HLCS: variants seen among roughly 807,000 people sequenced by gnomAD.
HLCS encodes holocarboxylase synthetase.
In HLCS, 53 loss-of-function variants were observed where a neutral mutation model predicts 75.0. That is an observed-to-expected ratio of 0.71 (90% CI 0.57 to 0.89). The LOEUF is 0.89. HLCS is among the 40% of genes least tolerant of loss of function. The pLI is 0.00. For synonymous variants in HLCS, 431 were observed against 428.6 expected (o/e 1.01, Z -0.07); for missense variants, 966 against 1,074.0 (o/e 0.90, Z 1.41).
At chr21:36,938,645 T>C (rs1048327938) in intron 3 of HLCS, among the ~76,000 whole-genome samples, 187 bp downstream of exon 3, 4 of 152,128 alleles carry the variant, frequency 2.6e-5, no homozygotes, top group African/African-American at 9.7e-5. Flanking sequence ...ACCACAGGCA[T>C]GCACCACCAC....
intron 6 of HLCS, among the ~76,000 whole-genome samples, chr21:36,856,065 G>T (rs185039741): frequency 2.0e-5 from 3 of 152,118 alleles, no homozygotes; most frequent in Non-Finnish European, 4.4e-5. Context: ...GCTGGTGGGT[G>T]GGGGGCAGGG....
chr21:36,811,552 T>C (rs1195096343), intron 6 of HLCS, among the ~76,000 whole-genome samples: 1 of 152,192 alleles, frequency 6.6e-6, no homozygotes, highest in Non-Finnish European at 1.5e-5. Flanking sequence ...GCATGTCCCA[T>C]CTGCAATGTT....
At chr21:36,875,263 C>T (rs140393639) in intron 6 of HLCS, among the ~76,000 whole-genome samples, 1 of 152,164 alleles carries the variant, frequency 6.6e-6, no homozygotes, top group East Asian at 1.9e-4. Context: ...GGGCTCCAGG[C>T]TGCCAGTTCC....
rs1434051827 is a variant in HLCS, at chr21:36,759,598, C to T, written c.2236+129G>A. ...ATCTCTCTGCATCTATACCCTGCTC[C>T]AAAACTACAAGACTCAAAGTAACCT... is the stretch of plus-strand genomic sequence containing the variant. On this transcript the variant is annotated intron_variant, in intron 9 of 10. Transcript: ENST00000674895. 17 of 691,506 alleles carry T rather than the reference C, an allele frequency of 2.5e-5. No individual in the cohort carries two copies. In the East Asian group the frequency reaches 4.4e-4, roughly 18 times the overall value. The allele number at this position is 691,506 out of a possible 1,614,324, so 42.8% of individuals were successfully genotyped here. A position where few individuals can be genotyped will look rare whatever the true frequency, so the allele number is the denominator to read the frequency against.
chr21:36,773,742 ACATTGAAG>A, intron 6 of HLCS, among the ~76,000 whole-genome samples: 1 of 152,222 alleles, frequency 6.6e-6, no homozygotes. Context: ...AGGCAGTCAC[ACATTGAAG>A]GTTCATAAGT....
At chr21:36,813,744 C>T (rs1282966365) in intron 6 of HLCS, among the ~76,000 whole-genome samples, 2 of 152,168 alleles carry the variant, frequency 1.3e-5, no homozygotes, top group South Asian at 2.1e-4. Flanking sequence ...GGGGCATTTT[C>T]GTCAAACTCC....
At chr21:36,948,249 C>G (rs1313981536) in intron 2 of HLCS, 1 of 147,250 alleles carries the variant, frequency 6.8e-6, no homozygotes, top group East Asian at 2.0e-4. Flanking sequence ...CGAGACCACA[C>G]CACTGCACTC....
chr21:36,923,866 G>A (rs1444341735), intron 5 of HLCS, among the ~76,000 whole-genome samples: 4 of 152,180 alleles, frequency 2.6e-5, no homozygotes, highest in Non-Finnish European at 4.4e-5. Flanking sequence ...AATTTCCAGC[G>A]TAGGTGAAGG....
At chr21:36,944,896 G>A (rs1328608240) in intron 2 of HLCS, among the ~76,000 whole-genome samples, 2 of 152,140 alleles carry the variant, frequency 1.3e-5, no homozygotes, top group Admixed American at 1.3e-4. Flanking sequence ...GCTGAGGCGG[G>A]TGGATCACGA....
Position 36,938,938 on chromosome 21 carries a change from A to T in HLCS, c.387T>A (p.Tyr129Ter). 6.2e-7 allele frequency: 1 copy of T among 1,613,594 alleles called. No individual in the cohort carries two copies. The highest frequency in any genetic ancestry group is 2.2e-5 in the East Asian group (1 of 44,880). Residue 129 changes from tyrosine (Y) to a stop codon, truncating the protein, a stop_gained, in exon 3 of 11, where the codon TAT becomes TAA. Coordinates refer to ENST00000674895, the MANE Select transcript of HLCS (RefSeq NM_001352514.2). LOFTEE classifies it high-confidence loss of function. The stretch of plus-strand genomic sequence containing the variant: ...CCACACTTGCTTCAGCAATTAGCCG[A>T]TAAGGATCCCCAGGTCTGCAAGCTA... ...LPLACRPGDP[Y>*]RLIAEASVDN...
chr21:36,805,686 C>T (rs1569035527), intron 6 of HLCS, among the ~76,000 whole-genome samples: 1 of 152,086 alleles, frequency 6.6e-6, no homozygotes, highest in African/African-American at 2.4e-5. Flanking sequence ...AGGGGCTCTC[C>T]GTGACCTCTT....
At chr21:36,877,404 C>T (rs2064026561) in intron 6 of HLCS, among the ~76,000 whole-genome samples, 2 of 150,568 alleles carry the variant, frequency 1.3e-5, no homozygotes, top group Admixed American at 1.3e-4. Flanking sequence ...GTATCTTTTG[C>T]CTTATGTGTT....
chr21:36,841,124 A>G (rs2062600999), intron 6 of HLCS, among the ~76,000 whole-genome samples: 1 of 152,186 alleles, frequency 6.6e-6, no homozygotes, highest in Non-Finnish European at 1.5e-5. Context: ...AACCTTTTGG[A>G]AGCATTTAGT....
rs2068114021 is a variant in HLCS, at chr21:36,958,792, A to G, written c.330+3244T>C. On this transcript the variant is annotated intron_variant, in intron 2 of 10. Transcript: ENST00000674895. Reference sequence around the variant, plus strand: ...CAACACAGCAAGACTCCATCTCCAAAAAAAAAAGAAAGAAAACTTTGTCTG... The same window carrying G: ...CAACACAGCAAGACTCCATCTCCAAGAAAAAAAGAAAGAAAACTTTGTCTG... Among the ~76,000 whole-genome samples, 5 of 152,198 alleles carry G rather than the reference A, an allele frequency of 3.3e-5. No homozygotes were observed. The South Asian group carries it at 8.3e-4, about 25-fold the overall frequency.
chr21:36,920,602 G>A (rs904336435), intron 5 of HLCS, among the ~76,000 whole-genome samples: 3 of 151,952 alleles, frequency 2.0e-5, no homozygotes, highest in Non-Finnish European at 2.9e-5. Context: ...TGCACAGCAC[G>A]CCTGTATCAA....
chr21:36,813,950 A>G lies in HLCS; in HGVS notation c.1893-46665T>C, dbSNP rs1033831041. Among the ~76,000 whole-genome samples, 7 of 152,120 alleles carry G rather than the reference A, an allele frequency of 4.6e-5. No homozygotes were observed. The East Asian group carries it at 1.3e-3, about 29-fold the overall frequency. On this transcript the variant is annotated intron_variant, in intron 6 of 10. Coordinates refer to ENST00000674895, the MANE Select transcript of HLCS (RefSeq NM_001352514.2). ...AAATGGAAACACTCACATGGAGAGCATTTTCTCCTCCAAATTTTCGATTCT... is the reference window on the plus strand; with the variant it reads ...AAATGGAAACACTCACATGGAGAGCGTTTTCTCCTCCAAATTTTCGATTCT...
At chr21:36,989,815 G>A (rs2069310553) in intron 1 of HLCS, among the ~76,000 whole-genome samples, 2 of 152,170 alleles carry the variant, frequency 1.3e-5, no homozygotes, top group Non-Finnish European at 2.9e-5. Flanking sequence ...CGTGGGAGGG[G>A]GACAGGGCGC....
At position 36,943,003 on chromosome 21, in the gene HLCS, G is replaced by A. The variant is rs145607809; in HGVS notation, c.331-4009C>T. 8.4e-4 allele frequency among the ~76,000 whole-genome samples: 128 copies of A among 152,038 alleles called. 1 individual carries two copies. In the East Asian group the frequency reaches 0.022, roughly 26 times the overall value. On this transcript the variant is annotated intron_variant, in intron 2 of 10. Transcript: ENST00000674895. ...AGAAACACTGCTCAACATCAGTCACGAAGGAAATGCATCTCAAAACCACAG... is the reference window on the plus strand; with the variant it reads ...AGAAACACTGCTCAACATCAGTCACAAAGGAAATGCATCTCAAAACCACAG...
At chr21:36,873,516 T>A (rs192396537) in intron 6 of HLCS, among the ~76,000 whole-genome samples, 73 of 152,382 alleles carry the variant, frequency 4.8e-4, no homozygotes, top group African/African-American at 1.6e-3. Context: ...AAGTTCTTTG[T>A]ATATGTCAGA....
Sources: gnomAD v4.1 joint callset for allele counts (sites outside exome capture counted in the v4.1 genomes callset) on GRCh38, gnomAD v4.1.1 for gene constraint, MANE v1.5 for transcripts, NCBI Gene and HGNC (gene_info 2026-07-23, HGNC 2026-07-21) for gene names.